Variants in N4BP1 observed in about 807,000 individuals in gnomAD.
N4BP1 encodes NEDD4 binding protein 1.
N4BP1 carries 21 observed loss-of-function variants against 70.9 expected under a neutral mutation model. The observed-to-expected ratio is 0.30, with a 90% confidence interval of 0.21 to 0.43. The LOEUF (loss-of-function observed/expected upper bound fraction) is 0.43. Among genes scored for constraint, N4BP1 ranks in the 20% least tolerant of loss-of-function variants. N4BP1 has a pLI of 1.00. For missense variants in N4BP1, 936 were observed against 1,069.4 expected (o/e 0.88, Z 1.74); for synonymous variants, 387 against 394.6 (o/e 0.98, Z 0.23).
intron 6 of N4BP1, 112 bp from the exon 7 acceptor site, chr16:48,543,373 G>T: frequency 1.2e-6 from 1 of 844,126 alleles, no homozygotes; most frequent in Non-Finnish European, 1.7e-6. Flanking sequence ...CCGCTCCCTG[G>T]CTTCCAAAGG....
At chr16:48,602,872 A>G (rs552264597) in intron 1 of N4BP1, among the ~76,000 whole-genome samples, 145 of 152,262 alleles carry the variant, frequency 9.5e-4, no homozygotes, top group Middle Eastern at 3.4e-3. Context: ...AGTCCCAGCT[A>G]CTCAGGAGGC....
intron 2 of N4BP1, among the ~76,000 whole-genome samples, chr16:48,556,849 ATACT>A (rs1452857420): frequency 6.6e-6 from 1 of 152,184 alleles, no homozygotes; most frequent in Non-Finnish European, 1.5e-5. Flanking sequence ...AATGGCTAAA[ATACT>A]TAATTCTGGC....
chr16:48,588,140 C>A (rs1964275670), intron 1 of N4BP1, among the ~76,000 whole-genome samples: 1 of 152,102 alleles, frequency 6.6e-6, no homozygotes, highest in Non-Finnish European at 1.5e-5. Context: ...ATCTTACCAT[C>A]ACCCAAATAC....
intron 1 of N4BP1, among the ~76,000 whole-genome samples, chr16:48,566,207 T>A (rs574990779): frequency 4.6e-5 from 7 of 152,064 alleles, no homozygotes; most frequent in Admixed American, 1.3e-4. Context: ...ACTTTTCTTT[T>A]CTTTCTTTTA....
intron 1 of N4BP1, among the ~76,000 whole-genome samples, chr16:48,591,905 T>A (rs1333269391): frequency 7.0e-6 from 1 of 142,544 alleles, no homozygotes; most frequent in East Asian, 2.1e-4. Flanking sequence ...TTTTTCCAAG[T>A]TTTGGGGGTA....
chr16:48,551,550 A>G, intron 3 of N4BP1, 68 bp from the exon 4 acceptor site: 1 of 1,111,204 alleles, frequency 9.0e-7, no homozygotes, highest in South Asian at 1.5e-5. Context: ...CAAGAAATGA[A>G]AGTACACTCA....
At chr16:48,551,264 C>A in intron 4 of N4BP1, 122 bp downstream of exon 4, 2 of 636,072 alleles carry the variant, frequency 3.1e-6, no homozygotes, top group East Asian at 2.7e-5. Context: ...CCTTAATGAC[C>A]ATAAATATTA....
At chr16:48,605,547 T>C (rs141145421) in intron 1 of N4BP1, among the ~76,000 whole-genome samples, 63 of 152,350 alleles carry the variant, frequency 4.1e-4, no homozygotes, top group Admixed American at 9.1e-4. Context: ...CACTGACTTC[T>C]TTCCCCTCTC....
At chr16:48,599,980 G>A (rs1036969468) in intron 1 of N4BP1, among the ~76,000 whole-genome samples, 8 of 152,096 alleles carry the variant, frequency 5.3e-5, no homozygotes, top group Non-Finnish European at 1.0e-4. Context: ...TATTATTGCA[G>A]GCAAATTCAT....
chr16:48,543,118 T>C lies in N4BP1; in HGVS notation c.2477A>G (p.Gln826Arg). Residue 826 changes from glutamine (Q) to arginine (R), a missense_variant, in exon 7 of 7, where the codon CAG becomes CGG. Around this residue, in one of 4 missense-constraint regions of N4BP1, gnomAD observed 229 missense variants for 343.5 expected, o/e 0.67. Coordinates refer to ENST00000262384, the MANE Select transcript of N4BP1 (RefSeq NM_153029.4). Reference protein sequence around the residue: ...QGAPSSHWLPQQPHFPLLPAL... With the variant: ...QGAPSSHWLPRQPHFPLLPAL... The stretch of plus-strand genomic sequence containing the variant: ...TGGCAGCAGTGGGAAGTGGGGCTGC[T>C]GAGGGAGCCAGTGGCTTGAAGGGGC... 4 of 1,611,538 alleles carry C rather than the reference T, an allele frequency of 2.5e-6. No individual in the cohort carries two copies. Among genetic ancestry groups the C allele is most frequent in the Non-Finnish European group, 3.4e-6 (4 of 1,177,854 alleles).
chr16:48,586,459 T>G (rs933587144), intron 1 of N4BP1, among the ~76,000 whole-genome samples: 2 of 152,100 alleles, frequency 1.3e-5, no homozygotes, highest in African/African-American at 4.8e-5. Context: ...TCCTAATTAC[T>G]CTGATTTTTT....
At chr16:48,607,938 A>G (rs193092605) in intron 1 of N4BP1, among the ~76,000 whole-genome samples, 1 of 152,274 alleles carries the variant, frequency 6.6e-6, no homozygotes, top group East Asian at 1.9e-4. Context: ...ATCTCAGCTC[A>G]CTGCAACCTG....
At chr16:48,609,718 C>T in intron 1 of N4BP1, 57 bp downstream of exon 1, 5 of 1,234,794 alleles carry the variant, frequency 4.0e-6, no homozygotes, top group Non-Finnish European at 4.1e-6. Context: ...GGAGCGGGAG[C>T]CCGGAGACCC....
At chr16:48,609,477 G>A (rs1002717821) in intron 1 of N4BP1, among the ~76,000 whole-genome samples, 12 of 152,222 alleles carry the variant, frequency 7.9e-5, no homozygotes, top group African/African-American at 1.7e-4. Flanking sequence ...CACCCGATCC[G>A]TGCCACACGC....
intron 1 of N4BP1, chr16:48,603,557 T>C (rs552680629): frequency 6.6e-6 from 1 of 152,294 alleles, no homozygotes; most frequent in South Asian, 2.1e-4. Flanking sequence ...TTTCTTGCTA[T>C]GGACTTTGGT....
At chr16:48,548,192 T>C (rs1460561840) in intron 4 of N4BP1, 78 bp from the exon 5 acceptor site, 1 of 839,272 alleles carries the variant, frequency 1.2e-6, no homozygotes, top group Admixed American at 2.2e-5. Flanking sequence ...GAAGAGAATA[T>C]TTCCTCTTCA....
At chr16:48,569,092 C>T (rs74017999) in intron 1 of N4BP1, among the ~76,000 whole-genome samples, 2,973 of 152,168 alleles carry the variant, frequency 0.02, 96 homozygotes, top group South Asian at 0.12. Context: ...TTTCAGTTGC[C>T]GGTTGAATAT....
intron 1 of N4BP1, among the ~76,000 whole-genome samples, chr16:48,592,207 T>A (rs1411321056): frequency 6.6e-6 from 1 of 152,114 alleles, no homozygotes; most frequent in Non-Finnish European, 1.5e-5. Context: ...CTAGCCTGGG[T>A]GACAGGGCAA....
At chr16:48,585,274 C>T (rs1462377581) in intron 1 of N4BP1, among the ~76,000 whole-genome samples, 1 of 151,896 alleles carries the variant, frequency 6.6e-6, no homozygotes, top group Non-Finnish European at 1.5e-5. Context: ...AGAGATTAAA[C>T]TTCCTATACT....
Sources: gnomAD v4.1 joint callset for allele counts (sites outside exome capture counted in the v4.1 genomes callset) on GRCh38, gnomAD v4.1.1 for gene constraint, gnomAD v4.1.1 regional missense constraint, MANE v1.5 for transcripts, NCBI Gene and HGNC (gene_info 2026-07-23, HGNC 2026-07-21) for gene names.